Variants in LIPA observed in about 807,000 individuals in gnomAD.
LIPA encodes the protein lipase A, lysosomal acid type, also known as lysosomal acid lipase/cholesteryl ester hydrolase.
Under a neutral mutation model 40.6 loss-of-function variants are expected in LIPA, and 26 were observed. The ratio of observed to expected loss-of-function variants is 0.64; its 90% CI spans 0.47 to 0.89. The LOEUF (loss-of-function observed/expected upper bound fraction) is 0.89. Ranked by LOEUF, LIPA falls within the 40% of genes least tolerant of loss-of-function variation. The probability of loss-of-function intolerance (pLI) is 0.00; values close to 1 mark genes in which losing one functional copy is unlikely to be tolerated. For synonymous variants in LIPA, 188 were observed against 168.4 expected (o/e 1.12, Z -0.90); for missense variants, 455 against 479.6 (o/e 0.95, Z 0.48).
upstream of LIPA, among the ~76,000 whole-genome samples, chr10:89,343,988 C>G (rs1334868126): frequency 6.6e-6 from 1 of 152,162 alleles, no homozygotes; most frequent in Non-Finnish European, 1.5e-5. Flanking sequence ...GGGTTTAGAC[C>G]TATTTCAACC....
chr10:89,272,487 C>T (rs1003799942), intron 1 of LIPA, among the ~76,000 whole-genome samples: 2 of 152,196 alleles, frequency 1.3e-5, no homozygotes, highest in African/African-American at 2.4e-5. Flanking sequence ...TTTTCTTTAT[C>T]TAATCTATCA....
intron 3 of LIPA, among the ~76,000 whole-genome samples, chr10:89,237,052 C>A (rs1276854010): frequency 6.6e-6 from 1 of 152,130 alleles, no homozygotes; most frequent in Non-Finnish European, 1.5e-5. Context: ...AGTGGGAGGA[C>A]CTCTTGAGGC....
intron 1 of LIPA, among the ~76,000 whole-genome samples, chr10:89,328,829 G>A (rs772860078): frequency 5.9e-5 from 9 of 152,178 alleles, no homozygotes; most frequent in Non-Finnish European, 1.3e-4. Context: ...AAGCAGATCA[G>A]TGGTTGCCTG....
intron 2 of LIPA, among the ~76,000 whole-genome samples, chr10:89,380,585 C>T (rs927458373): frequency 6.6e-6 from 1 of 152,086 alleles, no homozygotes; most frequent in African/African-American, 2.4e-5. Context: ...TGGTGTGCAT[C>T]GCCAGGCCCG....
At chr10:89,289,997 A>G (rs1213175851) in intron 1 of LIPA, among the ~76,000 whole-genome samples, 1 of 119,606 alleles carries the variant, frequency 8.4e-6, no homozygotes, top group Admixed American at 8.6e-5. Flanking sequence ...CTAAAAAAAA[A>G]GGGTGGGGGG....
intron 1 of LIPA, among the ~76,000 whole-genome samples, chr10:89,265,342 G>C (rs1400729814): frequency 6.6e-6 from 1 of 152,126 alleles, no homozygotes; most frequent in East Asian, 1.9e-4. Flanking sequence ...CTCGGAAGGG[G>C]ACAGGGCTCC....
chr10:89,225,075 G>A lies in LIPA; in HGVS notation c.675+17C>T. On this transcript the variant is annotated intron_variant, in intron 6 of 9. Transcript: ENST00000336233. Reference sequence around the variant, plus strand: ...AAATCTGCGGGGAGAGGAGAGGGATGGGAGGGGTCCAAGTACCTTAATGAG... The same window carrying A: ...AAATCTGCGGGGAGAGGAGAGGGATAGGAGGGGTCCAAGTACCTTAATGAG... 6.2e-7 allele frequency: 1 copy of A among 1,613,354 alleles called. No individual in the cohort carries two copies. The highest frequency in any genetic ancestry group is 1.3e-5 in the African/African-American group (1 of 75,008).
At chr10:89,232,523 G>A (rs542356767) in intron 3 of LIPA, among the ~76,000 whole-genome samples, 6 of 152,310 alleles carry the variant, frequency 3.9e-5, no homozygotes, top group Non-Finnish European at 5.9e-5. Flanking sequence ...TAGTTAACAC[G>A]GAAAACATGG....
intron 2 of LIPA, among the ~76,000 whole-genome samples, chr10:89,382,634 T>G (rs1844171268): frequency 6.6e-6 from 1 of 152,198 alleles, no homozygotes; most frequent in Admixed American, 6.5e-5. Flanking sequence ...AAGAGACACA[T>G]CTTACCTATG....
chr10:89,352,236 C>G (rs1156710151), intron 2 of LIPA, among the ~76,000 whole-genome samples: 2 of 152,152 alleles, frequency 1.3e-5, no homozygotes, highest in Non-Finnish European at 2.9e-5. Context: ...GCAACCCTTT[C>G]TAAAAATTGA....
In LIPA at chr10:89,223,709, C is replaced by T; in HGVS notation, c.797G>A (p.Gly266Glu). 6.2e-7 allele frequency: 1 copy of T among 1,612,864 alleles called. No individual in the cohort carries two copies. The highest frequency in any genetic ancestry group is 8.5e-7 in the Non-Finnish European group (1 of 1,178,968). ...LCGNLCFLLC[G>E]FNERNLNMSR... ...CATATTTAAATTTCTCTCATTAAAT[C>T]CACACAGAAGAAAACAGAGATTTCC... The change falls in exon 7 of 10, where the codon GGA becomes GAA. Residue 266 changes from glycine to glutamate, a missense_variant. Physicochemically the swap from Gly to Glu is moderately conservative, Grantham distance 98. Coordinates refer to ENST00000336233, the MANE Select transcript of LIPA (RefSeq NM_000235.4).
At chr10:89,238,382 C>T (rs1254271565) in intron 3 of LIPA, among the ~76,000 whole-genome samples, 4 of 152,132 alleles carry the variant, frequency 2.6e-5, no homozygotes, top group Non-Finnish European at 5.9e-5. Context: ...GTGGCAATTG[C>T]AATTATTCAA....
At chr10:89,307,294 G>T in intron 1 of LIPA, 1 of 1,613,946 alleles carries the variant, frequency 6.2e-7, no homozygotes, top group Non-Finnish European at 8.5e-7. Context: ...ATGAAAAAAT[G>T]CAACAAGCAG....
chr10:89,358,268 T>C (rs745558182), intron 2 of LIPA, among the ~76,000 whole-genome samples: 10 of 152,060 alleles, frequency 6.6e-5, no homozygotes, highest in Non-Finnish European at 8.8e-5. Flanking sequence ...ATGGCTACTA[T>C]CAAAAAAACA....
At chr10:89,257,132 A>T (rs72814755) in intron 1 of LIPA, among the ~76,000 whole-genome samples, 19,598 of 152,246 alleles carry the variant, frequency 0.13, 1,296 homozygotes, top group South Asian at 0.23. Context: ...TGGTCCAAGG[A>T]CTGACAGTTG....
intron 2 of LIPA, among the ~76,000 whole-genome samples, chr10:89,410,841 G>T (rs1201755332): frequency 1.3e-5 from 2 of 152,168 alleles, no homozygotes; most frequent in African/African-American, 4.8e-5. Context: ...GGAGAGGGAA[G>T]AACAGCAGCA....
intron 1 of LIPA, chr10:89,301,945 T>G: frequency 1.9e-6 from 1 of 519,766 alleles, no homozygotes; most frequent in Non-Finnish European, 3.5e-6. Flanking sequence ...CAATTTCACT[T>G]TCTAGTTTCA....
At chr10:89,309,467 G>A (rs1159157486) in intron 1 of LIPA, among the ~76,000 whole-genome samples, 2 of 152,220 alleles carry the variant, frequency 1.3e-5, no homozygotes, top group Non-Finnish European at 2.9e-5. Flanking sequence ...TGTTTCAGGG[G>A]AAGATCTAGC....
intron 1 of LIPA, chr10:89,339,919 G>A (rs774056715): frequency 1.2e-6 from 2 of 1,614,026 alleles, no homozygotes; most frequent in Non-Finnish European, 1.7e-6. Flanking sequence ...GTATCTTCAA[G>A]GATTAATTCA....
Sources: gnomAD v4.1 joint callset for allele counts (sites outside exome capture counted in the v4.1 genomes callset) on GRCh38, gnomAD v4.1.1 for gene constraint, MANE v1.5 for transcripts, NCBI Gene and HGNC (gene_info 2026-07-23, HGNC 2026-07-21) for gene names.